Variants in ERBB4 observed in about 807,000 individuals in gnomAD.
The protein encoded by ERBB4 is receptor tyrosine-protein kinase erbB-4.
Under a neutral mutation model 158.0 loss-of-function variants are expected in ERBB4, and 42 were observed. The ratio of observed to expected loss-of-function variants is 0.27; its 90% CI spans 0.21 to 0.34. The LOEUF is 0.34. Among genes scored for constraint, ERBB4 ranks in the 10% least tolerant of loss-of-function variants. The probability of loss-of-function intolerance (pLI) is 1.00; values close to 1 mark genes in which losing one functional copy is unlikely to be tolerated. For missense variants in ERBB4, 1,333 were observed against 1,624.1 expected (o/e 0.82, Z 3.08); for synonymous variants, 583 against 558.7 (o/e 1.04, Z -0.61).
At chr2:211,958,979 A>C (rs949142326) in intron 2 of ERBB4, among the ~76,000 whole-genome samples, 3 of 152,098 alleles carry the variant, frequency 2.0e-5, no homozygotes, top group African/African-American at 7.2e-5. Flanking sequence ...ACATAGAATC[A>C]AATGAGATTC....
chr2:212,246,666 C>A (rs1375459567), intron 1 of ERBB4, among the ~76,000 whole-genome samples: 1 of 151,924 alleles, frequency 6.6e-6, no homozygotes, highest in Non-Finnish European at 1.5e-5. Context: ...CCAGAAAGGG[C>A]CTTATGAAGA....
chr2:212,496,353 C>T (rs1690572350), intron 1 of ERBB4, among the ~76,000 whole-genome samples: 1 of 151,334 alleles, frequency 6.6e-6, no homozygotes, highest in South Asian at 2.1e-4. Context: ...CATGCATACA[C>T]ACACATACAC....
intron 16 of ERBB4, among the ~76,000 whole-genome samples, chr2:211,652,224 A>C (rs2071014327): frequency 6.6e-6 from 1 of 152,156 alleles, no homozygotes; most frequent in African/African-American, 2.4e-5. Flanking sequence ...TTTTATGGCT[A>C]CTGGGAAGTT....
At chr2:211,551,869 T>C (rs1168809690) in intron 20 of ERBB4, among the ~76,000 whole-genome samples, 1 of 152,200 alleles carries the variant, frequency 6.6e-6, no homozygotes, top group Non-Finnish European at 1.5e-5. Context: ...CCATAGTTAC[T>C]ACTGGAGAAA....
intron 1 of ERBB4, among the ~76,000 whole-genome samples, chr2:212,514,422 A>T (rs1006422192): frequency 6.6e-6 from 1 of 152,172 alleles, no homozygotes; most frequent in Admixed American, 6.5e-5. Context: ...TATTTACATA[A>T]TTTTTCAGCA....
At chr2:212,139,809 T>A (rs2080389967) in intron 1 of ERBB4, among the ~76,000 whole-genome samples, 1 of 151,986 alleles carries the variant, frequency 6.6e-6, no homozygotes, top group Admixed American at 6.6e-5. Flanking sequence ...TTTTTAATCC[T>A]GCCACAGCAC....
intron 25 of ERBB4, among the ~76,000 whole-genome samples, chr2:211,393,740 CGTGTGTGTGTGTGTGTGTGTGTGT>C (rs58472959): frequency 6.8e-5 from 10 of 146,240 alleles, no homozygotes; most frequent in East Asian, 2.0e-4. Context: ...GAGTTAATAG[CGTGTGTGTGTGTGTGTGTGTGTGT>C]GTGTGTGTGT....
intron 19 of ERBB4, among the ~76,000 whole-genome samples, chr2:211,586,755 T>C (rs191471397): frequency 2.2e-3 from 329 of 152,300 alleles, no homozygotes; most frequent in Non-Finnish European, 3.8e-3. Context: ...GATATGGAAA[T>C]ATTGTGCCTT....
intron 1 of ERBB4, among the ~76,000 whole-genome samples, chr2:212,198,102 A>C (rs1195738320): frequency 6.6e-6 from 1 of 152,306 alleles, no homozygotes; most frequent in African/African-American, 2.4e-5. Flanking sequence ...TAATTGATAG[A>C]AACAATATTC....
chr2:212,201,477 T>C (rs1204504073), intron 1 of ERBB4, among the ~76,000 whole-genome samples: 1 of 152,182 alleles, frequency 6.6e-6, no homozygotes, highest in Admixed American at 6.5e-5. Flanking sequence ...ATTTTATTTT[T>C]TTCACGCTTG....
intron 2 of ERBB4, among the ~76,000 whole-genome samples, chr2:212,036,027 TC>T (rs1238304554): frequency 2.0e-5 from 3 of 152,232 alleles, no homozygotes; most frequent in Non-Finnish European, 2.9e-5. Flanking sequence ...TATTCTTAAT[TC>T]CTCCTGTATT....
At chr2:211,709,280 CATATATAT>C (rs1300215743) in intron 9 of ERBB4, among the ~76,000 whole-genome samples, 1 of 124,434 alleles carries the variant, frequency 8.0e-6, no homozygotes, top group Non-Finnish European at 1.6e-5. Flanking sequence ...TATATACATA[CATATATAT>C]ATACATATAT....
chr2:211,811,922 TTCTTTCAAG>T (rs2076766066), intron 3 of ERBB4, among the ~76,000 whole-genome samples: 1 of 152,168 alleles, frequency 6.6e-6, no homozygotes, highest in African/African-American at 2.4e-5. Context: ...TCATCTAATC[TTCTTTCAAG>T]GTTTTCAAGG....
intron 5 of ERBB4, among the ~76,000 whole-genome samples, chr2:211,746,835 A>AC (rs2074988613): frequency 6.6e-6 from 1 of 151,854 alleles, no homozygotes; most frequent in African/African-American, 2.4e-5. Flanking sequence ...CTCAAAAAAA[A>AC]AAAAAAAAAA....
intron 4 of ERBB4, among the ~76,000 whole-genome samples, chr2:211,773,614 ATATAT>A (rs1417150469): frequency 2.3e-5 from 1 of 42,662 alleles, no homozygotes; most frequent in Non-Finnish European, 4.5e-5. Context: ...ATATATATAT[ATATAT>A]ATATATATAT....
intron 2 of ERBB4, among the ~76,000 whole-genome samples, chr2:212,071,219 A>G (rs547829601): frequency 1.3e-5 from 2 of 152,072 alleles, no homozygotes; most frequent in South Asian, 4.1e-4. Context: ...AAATATTTTT[A>G]ACAAACATCT....
intron 1 of ERBB4, among the ~76,000 whole-genome samples, chr2:212,228,840 A>ATT (rs149632157): frequency 6.6e-6 from 1 of 152,016 alleles, no homozygotes; most frequent in Non-Finnish European, 1.5e-5. Flanking sequence ...CAAATTGTTT[A>ATT]TTTTTTTTCT....
At chr2:212,488,269 C>T (rs1317779870) in intron 1 of ERBB4, among the ~76,000 whole-genome samples, 2 of 151,936 alleles carry the variant, frequency 1.3e-5, no homozygotes, top group Admixed American at 1.3e-4. Flanking sequence ...TACCACTCTG[C>T]TTTGCTTTTT....
At chr2:211,680,358 G>C (rs1236115030) in intron 12 of ERBB4, among the ~76,000 whole-genome samples, 1 of 152,176 alleles carries the variant, frequency 6.6e-6, no homozygotes, top group African/African-American at 2.4e-5. Context: ...GTTATCCTGA[G>C]TGTCTGAAAG....
Sources: allele counts gnomAD v4.1 joint callset (sites outside exome capture counted in the v4.1 genomes callset), GRCh38; gene constraint gnomAD v4.1.1; transcripts MANE v1.5; gene names NCBI Gene and HGNC (gene_info 2026-07-23, HGNC 2026-07-21).